The following CREB3L3 variants were observed in gnomAD, a reference collection of about 807,000 sequenced individuals.
The protein encoded by CREB3L3 is cyclic AMP-responsive element-binding protein 3-like protein 3.
In CREB3L3, 40 loss-of-function variants were observed where a neutral mutation model predicts 44.6. The ratio of observed to expected loss-of-function variants is 0.90; its 90% CI spans 0.70 to 1.17. The LOEUF (loss-of-function observed/expected upper bound fraction) is 1.17, where lower values mean the gene tolerates loss of function less well. Among genes scored for constraint, CREB3L3 ranks in the 50% most tolerant of loss-of-function variants. The probability of loss-of-function intolerance (pLI) is 0.00; values close to 1 mark genes in which losing one functional copy is unlikely to be tolerated. For missense variants in CREB3L3, 578 were observed against 595.8 expected (o/e 0.97, Z 0.31); for synonymous variants, 273 against 256.3 (o/e 1.06, Z -0.62).
intron 3 of CREB3L3, among the ~76,000 whole-genome samples, chr19:4,159,258 CT>C (rs2041628100): frequency 6.6e-6 from 1 of 151,818 alleles, no homozygotes; most frequent in African/African-American, 2.4e-5. Context: ...TCAAGTGATT[CT>C]CCTGCCTCAG....
chr19:4,169,454 T>C (rs2145141579), intron 6 of CREB3L3, among the ~76,000 whole-genome samples: 1 of 152,066 alleles, frequency 6.6e-6, no homozygotes, highest in African/African-American at 2.4e-5. Context: ...CATTCCAGCC[T>C]GGGCGACAGA....
Position 4,171,744 on chromosome 19 carries a change from G to A in CREB3L3, c.1161G>A (p.Glu387=). ...PGSEAPGPRP[E]ADTTREESPG... ...CCGAGGCCCCAGGACCCCGACCCGA[G>A]GCTGACACAACCCGAGAAGAGTCTC... The change falls in exon 10 of 10, where the codon GAG becomes GAA. Residue 387 remains glutamate, a synonymous_variant. Transcript: ENST00000078445. This position sits in a 1 kb window ranked among gnomAD's most constrained non-coding sequence, Gnocchi z 4.9. The A allele has an allele frequency of 1.9e-6, 3 of 1,613,318 alleles. No homozygotes were observed. The highest frequency in any genetic ancestry group is 2.5e-6 in the Non-Finnish European group (3 of 1,180,020).
intron 4 of CREB3L3, 77 bp downstream of exon 4, chr19:4,159,859 G>A (rs558286105): frequency 3.0e-5 from 23 of 777,870 alleles, no homozygotes; most frequent in South Asian, 4.0e-5. Context: ...AAATATCCCC[G>A]TTTCAGAGAC....
intron 6 of CREB3L3, among the ~76,000 whole-genome samples, chr19:4,169,076 C>T (rs1966986014): frequency 6.6e-6 from 1 of 152,040 alleles, no homozygotes; most frequent in Admixed American, 6.6e-5. Flanking sequence ...TCCTGATCAT[C>T]TTTATCCAGG....
chr19:4,170,978 C>G (rs1000394031), intron 7 of CREB3L3, 113 bp from the exon 8 acceptor site: 2 of 765,444 alleles, frequency 2.6e-6, no homozygotes, highest in East Asian at 5.0e-5. Flanking sequence ...GCCAGAGGCC[C>G]TTGAAGAATG....
Position 4,171,172 on chromosome 19 carries a change from C to T in CREB3L3, c.972C>T (p.Val324=), listed in dbSNP as rs768895841. 1.6e-5 allele frequency: 26 copies of T among 1,613,588 alleles called. No individual in the cohort carries two copies. The highest frequency in any genetic ancestry group is 1.6e-4 in the Middle Eastern group (1 of 6,084). ...AGTCAGCCCAGACAGGCACCTGTGT[C>T]GCAGTGAGTCCTGGTGCCCCCAGGC... is the stretch of plus-strand genomic sequence containing the variant. ...TSKSAQTGTC[V]AVLLLSFALI... Residue 324 remains valine, a synonymous_variant, in exon 8 of 10, where the codon GTC becomes GTT. Transcript: ENST00000078445. This position sits in a 1 kb window ranked among gnomAD's most constrained non-coding sequence, Gnocchi z 4.9.
At chr19:4,167,336 A>G (rs569701888) in intron 5 of CREB3L3, among the ~76,000 whole-genome samples, 1 of 49,368 alleles carries the variant, frequency 2.0e-5, no homozygotes, top group South Asian at 5.1e-4. Flanking sequence ...AGAGCGAAAC[A>G]AGAAAGAAAG....
chr19:4,165,113 A>G (rs2041708611), intron 5 of CREB3L3, among the ~76,000 whole-genome samples: 1 of 152,132 alleles, frequency 6.6e-6, no homozygotes, highest in Non-Finnish European at 1.5e-5. Flanking sequence ...CTCAGAGGGT[A>G]ATTATCAACA....
intron 1 of CREB3L3, among the ~76,000 whole-genome samples, chr19:4,154,508 G>T (rs1385911315): frequency 6.6e-6 from 1 of 152,018 alleles, no homozygotes; most frequent in Non-Finnish European, 1.5e-5. Flanking sequence ...TAGCTGGGAC[G>T]ACAAGTGTGT....
At chr19:4,167,440 A>AAAAGAAG (rs1966935948) in intron 5 of CREB3L3, among the ~76,000 whole-genome samples, 2 of 123,304 alleles carry the variant, frequency 1.6e-5, no homozygotes, top group South Asian at 5.3e-4. Context: ...AAGAAAGGAA[A>AAAAGAAG]GAAAGAAAGG....
chr19:4,154,975 G>A lies in CREB3L3; in HGVS notation c.104G>A (p.Gly35Asp). 6.2e-7 allele frequency: 1 copy of A among 1,612,892 alleles called. No individual in the cohort carries two copies. The highest frequency in any genetic ancestry group is 2.2e-5 in the East Asian group (1 of 44,868). Reference protein sequence around the residue: ...LLDLLFDRQDGILRHVELGEG... With the variant: ...LLDLLFDRQDDILRHVELGEG... ...GATCTCCTGTTTGACCGGCAGGACG[G>A]CATCCTGAGACACGTGGAGCTGGGC... Residue 35 changes from glycine (G) to aspartate (D), a missense_variant, in exon 2 of 10, where the codon GGC becomes GAC. Coordinates refer to ENST00000078445, the MANE Select transcript of CREB3L3 (RefSeq NM_032607.3).
chr19:4,162,398 A>AT (rs951718291), intron 4 of CREB3L3, among the ~76,000 whole-genome samples: 3 of 149,690 alleles, frequency 2.0e-5, no homozygotes, highest in Middle Eastern at 3.4e-3. Flanking sequence ...TCGACCTCCC[A>AT]TTTTTTTTGT....
intron 7 of CREB3L3, 112 bp downstream of exon 7, chr19:4,170,320 T>C (rs2145143441): frequency 1.8e-6 from 2 of 1,104,856 alleles, no homozygotes; most frequent in South Asian, 2.5e-5. Flanking sequence ...ATAAGAGTTT[T>C]ACCTATGGGC....
At chr19:4,164,771 C>T (rs996292802) in intron 5 of CREB3L3, 131 bp downstream of exon 5, 14 of 1,087,822 alleles carry the variant, frequency 1.3e-5, no homozygotes, top group African/African-American at 4.7e-5. Context: ...TGCAGTGGCA[C>T]GATCTCAGCT....
At chr19:4,169,365 A>C (rs1369283590) in intron 6 of CREB3L3, among the ~76,000 whole-genome samples, 1 of 151,910 alleles carries the variant, frequency 6.6e-6, no homozygotes, top group African/African-American at 2.4e-5. Context: ...CTGTAGTCCC[A>C]GCTACTCGGG....
intron 2 of CREB3L3, 40 bp downstream of exon 2, chr19:4,155,067 C>T (rs779174102): frequency 6.3e-7 from 1 of 1,599,520 alleles, no homozygotes; most frequent in South Asian, 1.1e-5. Context: ...CCACAGAGCT[C>T]CAGGCGGGCC....
intron 5 of CREB3L3, among the ~76,000 whole-genome samples, chr19:4,166,235 T>C (rs1966902265): frequency 1.3e-5 from 2 of 151,624 alleles, no homozygotes; most frequent in South Asian, 2.1e-4. Flanking sequence ...ACTACAGGTG[T>C]ATGCCATTAT....
chr19:4,168,318 GCCTGAAAC>G, intron 5 of CREB3L3, 25 bp from the exon 6 acceptor site: 1 of 1,575,148 alleles, frequency 6.3e-7, no homozygotes, highest in South Asian at 1.1e-5. Context: ...GGACTTTCTG[GCCTGAAAC>G]CCTCCTCCCC....
chr19:4,157,012 C>T lies in CREB3L3; in HGVS notation c.174C>T (p.Pro58=), dbSNP rs138214612. 6.8e-5 allele frequency: 110 copies of T among 1,614,070 alleles called. No homozygotes were observed. Among genetic ancestry groups the T allele is most frequent in the Non-Finnish European group, 8.3e-5 (98 of 1,180,016 alleles). ...HVKDQQVLPN[P]DSDDFLSSIL... ...CACCCCAGCAGGTCCTGCCAAACCC[C>T]GACTCTGACGACTTCCTCAGCTCCA... Residue 58 remains proline (P), a synonymous_variant, in exon 3 of 10, where the codon CCC becomes CCT. Transcript: ENST00000078445.
Sources: gnomAD v4.1 joint callset for allele counts (sites outside exome capture counted in the v4.1 genomes callset) on GRCh38, gnomAD v4.1.1 for gene constraint, Gnocchi (gnomAD v3.1) non-coding constraint, MANE v1.5 for transcripts, NCBI Gene and HGNC (gene_info 2026-07-23, HGNC 2026-07-21) for gene names.